KCTD16: variants seen among roughly 807,000 people sequenced by gnomAD.
KCTD16 encodes potassium channel tetramerization domain containing 16.
KCTD16 carries 13 observed loss-of-function variants against 33.2 expected under a neutral mutation model. That is an observed-to-expected ratio of 0.39 (90% CI 0.25 to 0.62). KCTD16 has a LOEUF of 0.62. Among genes scored for constraint, KCTD16 ranks in the 20% least tolerant of loss-of-function variants. The pLI is 0.50. For synonymous variants in KCTD16, 197 were observed against 195.3 expected (o/e 1.01, Z -0.07); for missense variants, 441 against 525.1 (o/e 0.84, Z 1.57).
rs1218244906 is a variant in KCTD16 at position 144,481,741 on chromosome 5, A to G, written c.*7627A>G. Reference sequence around the variant, plus strand: ...ATAGGTCACTGTCGTGAGCATTATAATGTCTAAGCAATCAAATTTGGAGTA... The same window carrying G: ...ATAGGTCACTGTCGTGAGCATTATAGTGTCTAAGCAATCAAATTTGGAGTA... On this transcript the variant is annotated 3_prime_UTR_variant, in exon 4 of 4. Coordinates refer to ENST00000512467, the MANE Select transcript of KCTD16 (RefSeq NM_020768.4). 6.6e-6 allele frequency: 1 copy of G among 151,952 alleles called. No homozygotes were observed. Among genetic ancestry groups the G allele is most frequent in the Non-Finnish European group, 1.5e-5 (1 of 67,940 alleles). The allele number at this position is 151,952 out of a possible 1,614,324, so 9.4% of individuals were successfully genotyped here.
At chr5:144,315,476 T>C (rs1751878964) in intron 3 of KCTD16, among the ~76,000 whole-genome samples, 1 of 152,114 alleles carries the variant, frequency 6.6e-6, no homozygotes, top group African/African-American at 2.4e-5. Context: ...GTTAAAACAA[T>C]GGAGAAATAC....
chr5:144,352,513 G>A (rs1257496186), intron 3 of KCTD16, among the ~76,000 whole-genome samples: 1 of 152,174 alleles, frequency 6.6e-6, no homozygotes, highest in Non-Finnish European at 1.5e-5. Context: ...TTGGAAAAGA[G>A]TTTCATTCCA....
chr5:144,472,591 G>C (rs188333846), intron 3 of KCTD16, among the ~76,000 whole-genome samples: 1 of 152,292 alleles, frequency 6.6e-6, no homozygotes, highest in African/African-American at 2.4e-5. Context: ...GCTAGATCCA[G>C]GTACTTATAA....
intron 3 of KCTD16, among the ~76,000 whole-genome samples, chr5:144,298,619 G>A (rs1042910441): frequency 6.6e-6 from 1 of 152,074 alleles, no homozygotes; most frequent in Non-Finnish European, 1.5e-5. Flanking sequence ...CTTGGGAGGT[G>A]GTTTTCTACT....
At chr5:144,286,323 A>G (rs944194123) in intron 3 of KCTD16, among the ~76,000 whole-genome samples, 1 of 152,178 alleles carries the variant, frequency 6.6e-6, no homozygotes, top group Admixed American at 6.5e-5. Flanking sequence ...TGACAGAGGC[A>G]TCACTGTAAT....
intron 3 of KCTD16, among the ~76,000 whole-genome samples, chr5:144,310,037 G>GT (rs5871876): frequency 5.1e-4 from 75 of 147,270 alleles, no homozygotes; most frequent in East Asian, 2.8e-3. Context: ...AACACAAGTT[G>GT]TTTTTTTTTT....
intron 3 of KCTD16, among the ~76,000 whole-genome samples, chr5:144,290,068 T>C (rs1755852086): frequency 6.6e-6 from 1 of 152,046 alleles, no homozygotes; most frequent in Admixed American, 6.6e-5. Flanking sequence ...ATCATTTGAG[T>C]TCAGGAGTTC....
At chr5:144,172,049 AC>A (rs1202488295) in intron 1 of KCTD16, among the ~76,000 whole-genome samples, 1 of 152,178 alleles carries the variant, frequency 6.6e-6, no homozygotes, top group East Asian at 1.9e-4. Context: ...AAGAAGCCAG[AC>A]CATTGTTGGG....
intron 3 of KCTD16, among the ~76,000 whole-genome samples, chr5:144,456,401 A>T (rs1014394234): frequency 1.3e-5 from 2 of 152,186 alleles, no homozygotes; most frequent in Non-Finnish European, 2.9e-5. Flanking sequence ...TCACTAAGCT[A>T]TGTACTCTTT....
chr5:144,328,572 G>A (rs1752270351), intron 3 of KCTD16, among the ~76,000 whole-genome samples: 1 of 151,230 alleles, frequency 6.6e-6, no homozygotes, highest in Non-Finnish European at 1.5e-5. Context: ...GAAATTAAGT[G>A]CTGAAACAAT....
intron 3 of KCTD16, among the ~76,000 whole-genome samples, chr5:144,354,920 T>C (rs1751538883): frequency 6.6e-6 from 1 of 152,214 alleles, no homozygotes. Flanking sequence ...TTTGATGGCA[T>C]TATAGCTAAT....
chr5:144,226,945 G>C (rs1753950557), intron 3 of KCTD16, among the ~76,000 whole-genome samples: 1 of 152,096 alleles, frequency 6.6e-6, no homozygotes, highest in African/African-American at 2.4e-5. Flanking sequence ...TTTATGCTAA[G>C]GGTTTTATGC....
chr5:144,275,907 C>T (rs981275747), intron 3 of KCTD16, among the ~76,000 whole-genome samples: 18 of 152,270 alleles, frequency 1.2e-4, no homozygotes, highest in African/African-American at 2.9e-4. Context: ...TGTACCATGA[C>T]GAAAGCCTTT....
intron 3 of KCTD16, among the ~76,000 whole-genome samples, chr5:144,240,085 G>A (rs1025316374): frequency 2.0e-5 from 3 of 152,064 alleles, no homozygotes; most frequent in African/African-American, 7.2e-5. Context: ...TTACATGTAA[G>A]AAAATTGAAC....
At chr5:144,418,043 A>C (rs540221935) in intron 3 of KCTD16, among the ~76,000 whole-genome samples, 1 of 152,202 alleles carries the variant, frequency 6.6e-6, no homozygotes, top group South Asian at 2.1e-4. Flanking sequence ...GTGTGAAGCC[A>C]CAGACCTTGG....
chr5:144,271,637 G>A (rs1418540785), intron 3 of KCTD16, among the ~76,000 whole-genome samples: 1 of 151,934 alleles, frequency 6.6e-6, no homozygotes, highest in African/African-American at 2.4e-5. Flanking sequence ...GTAATACTTG[G>A]AAGTTTTAGC....
intron 3 of KCTD16, among the ~76,000 whole-genome samples, chr5:144,345,153 A>G: frequency 6.8e-6 from 1 of 146,498 alleles, no homozygotes; most frequent in Non-Finnish European, 1.5e-5. Context: ...GGAATTGAAC[A>G]ATGAGAACAC....
chr5:144,297,381 G>T (rs991289769), intron 3 of KCTD16, among the ~76,000 whole-genome samples: 25 of 152,160 alleles, frequency 1.6e-4, no homozygotes, highest in Non-Finnish European at 3.1e-4. Context: ...CTGAAGTCAG[G>T]ATGGGTTCAG....
chr5:144,438,416 G>A (rs1753627022), intron 3 of KCTD16, among the ~76,000 whole-genome samples: 1 of 152,206 alleles, frequency 6.6e-6, no homozygotes, highest in Non-Finnish European at 1.5e-5. Context: ...CTCTGTATGA[G>A]CATACGTGTT....
Sources: allele counts gnomAD v4.1 joint callset (sites outside exome capture counted in the v4.1 genomes callset), GRCh38; gene constraint gnomAD v4.1.1; transcripts MANE v1.5; gene names NCBI Gene and HGNC (gene_info 2026-07-23, HGNC 2026-07-21).